The following SRFBP1 variants were observed in gnomAD, a reference collection of about 807,000 sequenced individuals.
SRFBP1 encodes serum response factor binding protein 1, also known as serum response factor-binding protein 1.
Under a neutral mutation model 45.5 loss-of-function variants are expected in SRFBP1, and 47 were observed. The ratio of observed to expected loss-of-function variants is 1.03; its 90% CI spans 0.82 to 1.32. The LOEUF (loss-of-function observed/expected upper bound fraction) is 1.32, where lower values mean the gene tolerates loss of function less well. Ranked by LOEUF, SRFBP1 falls within the 40% of genes most tolerant of loss-of-function variation. The pLI, the probability that SRFBP1 is intolerant of heterozygous loss-of-function variation, is 0.00. For missense variants in SRFBP1, 621 were observed against 484.6 expected, an observed-to-expected ratio of 1.28 and a Z score of -2.64; for synonymous variants, 203 against 166.3, an observed-to-expected ratio of 1.22 and a Z score of -1.70.
chr5:122,007,513 G>C (rs1439584549), intron 4 of SRFBP1, among the ~76,000 whole-genome samples: 1 of 151,840 alleles, frequency 6.6e-6, no homozygotes, highest in Non-Finnish European at 1.5e-5. Context: ...GAACAGCCTG[G>C]AGCCTCGGTC....
chr5:121,999,756 T>C (rs1752817741), intron 4 of SRFBP1, among the ~76,000 whole-genome samples: 1 of 152,142 alleles, frequency 6.6e-6, no homozygotes. Context: ...ATCACTGCTT[T>C]AGCTTTCTTT....
At chr5:122,026,417 A>G (rs1048751359) in intron 7 of SRFBP1, among the ~76,000 whole-genome samples, 2 of 152,204 alleles carry the variant, frequency 1.3e-5, no homozygotes, top group Non-Finnish European at 2.9e-5. Context: ...ACTTAGTACT[A>G]TTTGCCTTGT....
Position 122,061,395 on chromosome 5 carries a change from A to G in SRFBP1, n.312-13920A>G, listed in dbSNP as rs183765539. On this transcript the variant is annotated intron_variant and non_coding_transcript_variant, in intron 2 of 2. Transcript: ENST00000504881. ...TGTTTTAATGGTTCTCTTTTTGGTT[A>G]TATAGCTCTATTTTTTTCTCTCTCC... Among the ~76,000 whole-genome samples the G allele has an allele frequency of 3.1e-3, 473 of 152,018 alleles. 1 individual carries two copies. Among genetic ancestry groups the G allele is most frequent in the Non-Finnish European group, 4.4e-3 (301 of 67,932 alleles).
At chr5:122,011,679 G>C (rs1214384711) in intron 4 of SRFBP1, among the ~76,000 whole-genome samples, 1 of 152,134 alleles carries the variant, frequency 6.6e-6, no homozygotes. Context: ...AAGTTGATCT[G>C]TGTGTCCTCA....
intron 4 of SRFBP1, among the ~76,000 whole-genome samples, chr5:122,015,387 A>G (rs1753175510): frequency 6.6e-6 from 1 of 152,198 alleles, no homozygotes; most frequent in African/African-American, 2.4e-5. Context: ...TTTAAACATC[A>G]CGGGCCTACT....
chr5:121,981,159 G>A (rs576772830), intron 3 of SRFBP1, among the ~76,000 whole-genome samples: 1 of 152,090 alleles, frequency 6.6e-6, no homozygotes, highest in African/African-American at 2.4e-5. Flanking sequence ...GGGAGATGGG[G>A]ATGATTAATC....
intron 6 of SRFBP1, among the ~76,000 whole-genome samples, chr5:122,021,851 T>G (rs776608487): frequency 1.3e-5 from 2 of 149,618 alleles, no homozygotes; most frequent in African/African-American, 2.5e-5. Context: ...TAATTTTTGT[T>G]TTTTTTTTGT....
chr5:121,963,663 T>G (rs989075530), intron 1 of SRFBP1, among the ~76,000 whole-genome samples: 1 of 152,226 alleles, frequency 6.6e-6, no homozygotes, highest in South Asian at 2.1e-4. Context: ...GAAACACTTA[T>G]GTAACTGTTT....
At chr5:121,970,611 G>A (rs964794728) in intron 1 of SRFBP1, among the ~76,000 whole-genome samples, 1 of 148,918 alleles carries the variant, frequency 6.7e-6, no homozygotes, top group Non-Finnish European at 1.5e-5. Context: ...TTTTCTAAAT[G>A]GGTCTTTGAA....
At chr5:122,007,666 C>T (rs889651542) in intron 4 of SRFBP1, among the ~76,000 whole-genome samples, 1 of 150,988 alleles carries the variant, frequency 6.6e-6, no homozygotes, top group African/African-American at 2.4e-5. Flanking sequence ...TCTGTGTTGG[C>T]TGGTCCAGTG....
At chr5:122,070,482 A>T in intron 2 of SRFBP1, 2 of 1,461,790 alleles carry the variant, frequency 1.4e-6, no homozygotes, top group Non-Finnish European at 1.9e-6. Context: ...ATATATTTTC[A>T]AAGGTCTTTA....
At chr5:122,017,162 G>T (rs1376147595) in intron 4 of SRFBP1, among the ~76,000 whole-genome samples, 2 of 152,148 alleles carry the variant, frequency 1.3e-5, no homozygotes, top group African/African-American at 4.8e-5. Context: ...CCGGGAGGCG[G>T]AGGTTGCAGT....
At chr5:122,023,593 A>C (rs937787039) in intron 7 of SRFBP1, among the ~76,000 whole-genome samples, 1 of 152,178 alleles carries the variant, frequency 6.6e-6, no homozygotes, top group Non-Finnish European at 1.5e-5. Context: ...CTCTGAGAGG[A>C]ACTTCTTTAT....
intron 4 of SRFBP1, among the ~76,000 whole-genome samples, chr5:122,001,006 A>T (rs977750109): frequency 6.6e-6 from 1 of 152,134 alleles, no homozygotes; most frequent in African/African-American, 2.4e-5. Flanking sequence ...TCTGGATGTC[A>T]TGTTTTTAAT....
At chr5:121,964,414 A>G (rs754956143) in intron 1 of SRFBP1, among the ~76,000 whole-genome samples, 13 of 151,790 alleles carry the variant, frequency 8.6e-5, no homozygotes, top group Non-Finnish European at 1.6e-4. Context: ...TCATTGTTCA[A>G]CTCAAACTTA....
At chr5:122,058,035 A>C (rs1754112577) in intron 2 of SRFBP1, among the ~76,000 whole-genome samples, 1 of 152,084 alleles carries the variant, frequency 6.6e-6, no homozygotes, top group African/African-American at 2.4e-5. Context: ...GCCCAAGAGG[A>C]ATTATTTAAG....
intron 4 of SRFBP1, among the ~76,000 whole-genome samples, chr5:122,003,395 G>C (rs1031201395): frequency 6.6e-6 from 1 of 150,720 alleles, no homozygotes; most frequent in African/African-American, 2.5e-5. Flanking sequence ...GGTTTTAAAT[G>C]TGTGCTCAGG....
At chr5:121,975,831 A>G (rs1044655504) in intron 3 of SRFBP1, among the ~76,000 whole-genome samples, 2 of 151,686 alleles carry the variant, frequency 1.3e-5, no homozygotes, top group African/African-American at 2.4e-5. Flanking sequence ...TCAGTTCTGT[A>G]GTAACTTCAA....
Position 121,966,271 on chromosome 5 carries a change from G to A in SRFBP1, c.36+4203G>A, listed in dbSNP as rs1200799777. Among the ~76,000 whole-genome samples the A allele has an allele frequency of 3.3e-5, 5 of 152,264 alleles. No homozygotes were observed. The East Asian group carries it at 9.7e-4, about 29-fold the overall frequency. On this transcript the variant is annotated intron_variant, in intron 1 of 7. Transcript: ENST00000339397. ...TAAAGTTTGTTGTTATTCTTGCGAA[G>A]TAAAGTAAAAATTTATCTTTACTCT...
Sources: gnomAD v4.1 joint callset for allele counts (sites outside exome capture counted in the v4.1 genomes callset) on GRCh38, gnomAD v4.1.1 for gene constraint, MANE v1.5 for transcripts, NCBI Gene and HGNC (gene_info 2026-07-23, HGNC 2026-07-21) for gene names.